Variants in SCAPER observed in about 807,000 individuals in gnomAD.
The protein encoded by SCAPER is S-phase cyclin A associated protein in the ER.
SCAPER carries 98 observed loss-of-function variants against 182.2 expected under a neutral mutation model. That is an observed-to-expected ratio of 0.54 (90% CI 0.46 to 0.64). SCAPER has a LOEUF of 0.64. Among genes scored for constraint, SCAPER ranks in the 30% least tolerant of loss-of-function variants. The pLI, the probability that SCAPER is intolerant of heterozygous loss-of-function variation, is 0.00. For missense variants in SCAPER, 1,432 were observed against 1,690.0 expected (o/e 0.85, Z 2.68); for synonymous variants, 605 against 564.6 (o/e 1.07, Z -1.01).
chr15:76,605,712 G>A (rs2050327931), intron 22 of SCAPER, among the ~76,000 whole-genome samples: 1 of 152,160 alleles, frequency 6.6e-6, no homozygotes, highest in Non-Finnish European at 1.5e-5. Context: ...CCTGTTATTA[G>A]TCTATTCAGA....
intron 25 of SCAPER, among the ~76,000 whole-genome samples, chr15:76,441,247 C>T (rs2047577373): frequency 6.6e-6 from 1 of 152,148 alleles, no homozygotes; most frequent in East Asian, 1.9e-4. Context: ...ATGCCACAAA[C>T]AATGTTATGA....
chr15:76,723,778 T>C (rs765916286), intron 17 of SCAPER, among the ~76,000 whole-genome samples: 2 of 152,212 alleles, frequency 1.3e-5, no homozygotes, highest in African/African-American at 2.4e-5. Flanking sequence ...ATTTGCCTGG[T>C]AGATCTTCCT....
At chr15:76,723,179 A>G (rs952330354) in intron 17 of SCAPER, among the ~76,000 whole-genome samples, 1 of 151,802 alleles carries the variant, frequency 6.6e-6, no homozygotes, top group African/African-American at 2.4e-5. Context: ...CCTTCATTTC[A>G]TTATTTACCC....
chr15:76,600,429 G>GTGTGTA (rs1465677287), intron 22 of SCAPER, among the ~76,000 whole-genome samples: 2 of 69,734 alleles, frequency 2.9e-5, no homozygotes, highest in Non-Finnish European at 6.8e-5. Flanking sequence ...GTGTGTGTGT[G>GTGTGTA]TATACATATA....
chr15:76,845,190 C>T (rs2069941397), intron 4 of SCAPER, among the ~76,000 whole-genome samples: 1 of 151,992 alleles, frequency 6.6e-6, no homozygotes. Flanking sequence ...GATAAAAACC[C>T]TCAACTACTG....
intron 5 of SCAPER, among the ~76,000 whole-genome samples, chr15:76,823,073 C>A (rs2067707659): frequency 6.6e-6 from 1 of 152,118 alleles, no homozygotes; most frequent in Admixed American, 6.5e-5. Flanking sequence ...ATTATAAATG[C>A]ATTATTTTTC....
chr15:76,637,185 C>T (rs1462500715), intron 21 of SCAPER, among the ~76,000 whole-genome samples: 1 of 152,106 alleles, frequency 6.6e-6, no homozygotes, highest in African/African-American at 2.4e-5. Context: ...TCCTTCTGAT[C>T]CCATCTCTAC....
At chr15:76,859,201 G>A (rs573912020) in intron 3 of SCAPER, among the ~76,000 whole-genome samples, 1 of 152,174 alleles carries the variant, frequency 6.6e-6, no homozygotes, top group Non-Finnish European at 1.5e-5. Context: ...TAATTTTGGG[G>A]CCAGGTCCCC....
intron 21 of SCAPER, among the ~76,000 whole-genome samples, chr15:76,635,555 A>C (rs772062035): frequency 1.3e-5 from 2 of 151,830 alleles, no homozygotes; most frequent in Non-Finnish European, 2.9e-5. Context: ...ACTTCTTACT[A>C]GTTTTTCTTG....
intron 5 of SCAPER, among the ~76,000 whole-genome samples, chr15:76,825,248 T>C (rs1164305710): frequency 6.6e-6 from 1 of 152,102 alleles, no homozygotes; most frequent in Non-Finnish European, 1.5e-5. Flanking sequence ...TTGAATACAA[T>C]TTGGTGATTT....
intron 27 of SCAPER, among the ~76,000 whole-genome samples, chr15:76,390,359 T>C (rs1329164278): frequency 6.6e-6 from 1 of 152,058 alleles, no homozygotes; most frequent in Non-Finnish European, 1.5e-5. Context: ...TGGAAGAGGC[T>C]GAAGAAAGAG....
intron 5 of SCAPER, among the ~76,000 whole-genome samples, chr15:76,833,270 C>G (rs1327224058): frequency 1.3e-5 from 2 of 152,108 alleles, no homozygotes; most frequent in Non-Finnish European, 2.9e-5. Context: ...TCATATCCAG[C>G]CAAACTAAGC....
chr15:76,692,542 A>G (rs963499010), intron 20 of SCAPER, among the ~76,000 whole-genome samples: 1 of 151,940 alleles, frequency 6.6e-6, no homozygotes, highest in Non-Finnish European at 1.5e-5. Context: ...TACAAAACTT[A>G]GCTGAATATG....
At chr15:76,422,318 T>C (rs1232152083) in intron 26 of SCAPER, among the ~76,000 whole-genome samples, 1 of 152,204 alleles carries the variant, frequency 6.6e-6, no homozygotes, top group African/African-American at 2.4e-5. Context: ...GTAGTTCTCC[T>C]TGAAGAGTTC....
At chr15:76,353,251 C>T (rs2040715743) in intron 30 of SCAPER, among the ~76,000 whole-genome samples, 1 of 152,154 alleles carries the variant, frequency 6.6e-6, no homozygotes, top group Non-Finnish European at 1.5e-5. Context: ...GGAGCAAAAA[C>T]ACATCTTATG....
intron 30 of SCAPER, among the ~76,000 whole-genome samples, chr15:76,353,415 C>T (rs2040732199): frequency 6.6e-6 from 1 of 152,144 alleles, no homozygotes; most frequent in Non-Finnish European, 1.5e-5. Context: ...GGAAATAGTA[C>T]TTTGCTATGG....
chr15:76,484,048 CAGA>C (rs1042588895), intron 24 of SCAPER, among the ~76,000 whole-genome samples: 5 of 152,172 alleles, frequency 3.3e-5, no homozygotes, highest in African/African-American at 1.2e-4. Flanking sequence ...CGAGTATTCA[CAGA>C]AGTTTTATTA....
rs115643847 is a variant in SCAPER at position 76,703,076 on chromosome 15, T to G, written c.2248-74A>C. The G allele has an allele frequency of 1.1e-3, 1,645 of 1,453,344 alleles. 16 individuals carry two copies. In the African/African-American group the frequency reaches 0.021, roughly 19 times the overall value. The allele number at this position is 1,453,344 out of a possible 1,614,324, so 90.0% of individuals were successfully genotyped here. ...GGTGAGAAATTGGAAAAATAATATTTCCATTAAAACTTCAAAAATAATAGA... is the reference window on the plus strand; with the variant it reads ...GGTGAGAAATTGGAAAAATAATATTGCCATTAAAACTTCAAAAATAATAGA... On this transcript the variant is annotated intron_variant, in intron 18 of 31. Coordinates refer to ENST00000563290, the MANE Select transcript of SCAPER (RefSeq NM_020843.4).
intron 17 of SCAPER, among the ~76,000 whole-genome samples, chr15:76,713,378 C>T (rs2059700378): frequency 6.6e-6 from 1 of 151,816 alleles, no homozygotes; most frequent in Admixed American, 6.6e-5. Flanking sequence ...TGGAACCAAC[C>T]CAAATGTCCA....
Sources: allele counts gnomAD v4.1 joint callset (sites outside exome capture counted in the v4.1 genomes callset), GRCh38; gene constraint gnomAD v4.1.1; transcripts MANE v1.5; gene names NCBI Gene and HGNC (gene_info 2026-07-23, HGNC 2026-07-21).